The following ATF7 variants were observed in gnomAD, a reference collection of about 807,000 sequenced individuals.
ATF7 encodes the protein cyclic AMP-dependent transcription factor ATF-7.
In ATF7, 10 loss-of-function variants were observed where a neutral mutation model predicts 50.4. The observed-to-expected ratio is 0.20, with a 90% CI of 0.12 to 0.34. The LOEUF is 0.34. ATF7 is among the 10% of genes least tolerant of loss of function. The probability of loss-of-function intolerance (pLI) is 1.00; values close to 1 mark genes in which losing one functional copy is unlikely to be tolerated. For missense variants in ATF7, 465 were observed against 613.9 expected, an observed-to-expected ratio of 0.76 and a Z score of 2.56; for synonymous variants, 201 against 226.4, an observed-to-expected ratio of 0.89 and a Z score of 1.01.
intron 2 of ATF7, among the ~76,000 whole-genome samples, chr12:53,595,410 G>A (rs1480350709): frequency 6.6e-6 from 1 of 152,154 alleles, no homozygotes; most frequent in African/African-American, 2.4e-5. Context: ...AGGGCAACTT[G>A]CCAAAGGGAC....
At chr12:53,543,502 T>C (rs894374672) in intron 3 of ATF7, 54 bp from the exon 4 acceptor site, 1 of 1,473,008 alleles carries the variant, frequency 6.8e-7, no homozygotes, top group Non-Finnish European at 9.2e-7. Context: ...AAATTAAAAC[T>C]TGATATTAAA....
At chr12:53,525,532 G>A (rs1028520691) in intron 9 of ATF7, among the ~76,000 whole-genome samples, 1 of 152,152 alleles carries the variant, frequency 6.6e-6, no homozygotes, top group Non-Finnish European at 1.5e-5. Flanking sequence ...GGAGACAAAT[G>A]TTCTTATCCA....
intron 2 of ATF7, among the ~76,000 whole-genome samples, chr12:53,571,967 C>T (rs1470704071): frequency 6.6e-6 from 1 of 151,340 alleles, no homozygotes; most frequent in African/African-American, 2.4e-5. Flanking sequence ...CTCGGCAGGC[C>T]GAGGCAGGAG....
chr12:53,550,045 CA>C lies in ATF7; in HGVS notation c.145+2495del, dbSNP rs975246632. The stretch of plus-strand genomic sequence containing the variant: ...AAATAGCTTTAAAGAGAAAAGGGCC[CA>C]GGGGGGCGGCTCACGCCTGTAATCC... On this transcript the variant is annotated intron_variant, in intron 3 of 11. Coordinates refer to ENST00000420353, the MANE Select transcript of ATF7 (RefSeq NM_006856.3). Among the ~76,000 whole-genome samples the C allele has an allele frequency of 1.3e-5, 2 of 151,942 alleles. 1 individual carries two copies. Among genetic ancestry groups the C allele is most frequent in the African/African-American group, 4.8e-5 (2 of 41,396 alleles).
At chr12:53,547,371 C>T (rs866691824) in intron 3 of ATF7, among the ~76,000 whole-genome samples, 12 of 148,970 alleles carry the variant, frequency 8.1e-5, no homozygotes, top group East Asian at 2.0e-4. Context: ...CTGCAACCTC[C>T]GCCTCCCGGG....
rs182565706 is a variant in ATF7, at chr12:53,548,162, C to T, written c.145+4379G>A. On this transcript the variant is annotated intron_variant, in intron 3 of 11. Coordinates refer to ENST00000420353, the MANE Select transcript of ATF7 (RefSeq NM_006856.3). ...GATTGTAGGCGTGAGGCACTGTGCCCGGCCTGAGGCTAATTTTTAAAATTT... is the reference window on the plus strand; with the variant it reads ...GATTGTAGGCGTGAGGCACTGTGCCTGGCCTGAGGCTAATTTTTAAAATTT... 4.6e-5 allele frequency among the ~76,000 whole-genome samples: 7 copies of T among 152,006 alleles called. No homozygotes were observed. The South Asian group carries it at 1.0e-3, about 23-fold the overall frequency.
intron 2 of ATF7, among the ~76,000 whole-genome samples, chr12:53,579,592 T>A (rs1313246129): frequency 6.6e-6 from 1 of 151,190 alleles, no homozygotes; most frequent in Admixed American, 6.6e-5. Flanking sequence ...CGTAATTGTG[T>A]TTGAGGAAGA....
chr12:53,582,699 C>T (rs887745668), intron 2 of ATF7, among the ~76,000 whole-genome samples: 1 of 152,198 alleles, frequency 6.6e-6, no homozygotes, highest in Non-Finnish European at 1.5e-5. Flanking sequence ...CTGCCTCAGC[C>T]TCCGGAGTAG....
chr12:53,606,117 G>T (rs1203226502), intron 1 of ATF7, among the ~76,000 whole-genome samples: 1 of 152,092 alleles, frequency 6.6e-6, no homozygotes, highest in African/African-American at 2.4e-5. Flanking sequence ...GCTAAAAATG[G>T]AAAGAAGGGA....
intron 2 of ATF7, among the ~76,000 whole-genome samples, chr12:53,571,975 G>A (rs1941790217): frequency 6.6e-6 from 1 of 151,870 alleles, no homozygotes; most frequent in Admixed American, 6.6e-5. Flanking sequence ...GCCGAGGCAG[G>A]AGAATCGCTT....
chr12:53,569,470 T>C (rs1414336569), intron 2 of ATF7, among the ~76,000 whole-genome samples: 1 of 152,238 alleles, frequency 6.6e-6, no homozygotes, highest in Non-Finnish European at 1.5e-5. Context: ...TAAAGCATCA[T>C]TTCCTCCAGG....
intron 1 of ATF7, among the ~76,000 whole-genome samples, chr12:53,620,594 A>G (rs1229303769): frequency 1.3e-5 from 2 of 150,746 alleles, no homozygotes; most frequent in Non-Finnish European, 3.0e-5. Context: ...AAAAAAAAAA[A>G]AAAATACAAA....
At chr12:53,545,022 A>T (rs1286186309) in intron 3 of ATF7, among the ~76,000 whole-genome samples, 1 of 152,204 alleles carries the variant, frequency 6.6e-6, no homozygotes, top group African/African-American at 2.4e-5. Flanking sequence ...AGAGTACTTT[A>T]GTAAGGGCAT....
At chr12:53,624,333 T>C (rs1944518598) in intron 1 of ATF7, among the ~76,000 whole-genome samples, 1 of 152,248 alleles carries the variant, frequency 6.6e-6, no homozygotes, top group African/African-American at 2.4e-5. Context: ...CAAAGGTTAA[T>C]ACAACTACGT....
intron 2 of ATF7, among the ~76,000 whole-genome samples, chr12:53,566,449 A>G (rs2137593894): frequency 6.6e-6 from 1 of 152,316 alleles, no homozygotes; most frequent in Admixed American, 6.5e-5. Context: ...CCTGTCACAC[A>G]GTTCAGGCCA....
At chr12:53,510,299 A>T (rs891839599), downstream of ATF7, among the ~76,000 whole-genome samples, 4 of 152,204 alleles carry the variant, frequency 2.6e-5, no homozygotes, top group Admixed American at 2.6e-4. Flanking sequence ...TGGGACTCCC[A>T]AAGTTTTGGG....
At chr12:53,566,530 T>A (rs1233372869) in intron 2 of ATF7, among the ~76,000 whole-genome samples, 1 of 152,168 alleles carries the variant, frequency 6.6e-6, no homozygotes, top group Non-Finnish European at 1.5e-5. Flanking sequence ...TGTCTCCTTA[T>A]AAAAGGGAAA....
intron 6 of ATF7, among the ~76,000 whole-genome samples, chr12:53,533,770 C>T (rs784568): frequency 1.3e-5 from 2 of 151,918 alleles, no homozygotes; most frequent in Admixed American, 6.6e-5. Context: ...CCATGGGTAC[C>T]GTGCCAGGAG....
In ATF7 at chr12:53,523,363, T is replaced by C; in HGVS notation, c.1147A>G (p.Asn383Asp). ...QLSNEVTLLR[N>D]EVAQLKQLLL... is the part of the protein sequence containing the mutation. ...AGCTGTTTCAACTGGGCCACCTCAT[T>C]GCGTAGTAATGTGACTTCATTCTGA... The change falls in exon 11 of 12, where the codon AAT becomes GAT. Residue 383 changes from asparagine (N) to aspartate (D), a missense_variant. By Grantham distance (23) the Asn-to-Asp change is conservative. Transcript: ENST00000420353. 1 of 1,613,614 alleles carries C rather than the reference T, an allele frequency of 6.2e-7. No individual in the cohort carries two copies. Among genetic ancestry groups the C allele is most frequent in the Non-Finnish European group, 8.5e-7 (1 of 1,179,622 alleles).
Sources: gnomAD v4.1 joint callset for allele counts (sites outside exome capture counted in the v4.1 genomes callset) on GRCh38, gnomAD v4.1.1 for gene constraint, MANE v1.5 for transcripts, NCBI Gene and HGNC (gene_info 2026-07-23, HGNC 2026-07-21) for gene names.